FHIT: variants seen among roughly 807,000 people sequenced by gnomAD.
FHIT encodes fragile histidine triad diadenosine triphosphatase, also known as bis(5'-adenosyl)-triphosphatase.
A neutral mutation model predicts 17.9 loss-of-function variants in FHIT; 19 were observed. That is an observed-to-expected ratio of 1.06 (90% CI 0.74 to 1.56). FHIT has a LOEUF of 1.56. FHIT is among the 40% of genes most tolerant of loss of function. FHIT has a pLI of 0.00. For missense variants in FHIT, 248 were observed against 189.2 expected, an observed-to-expected ratio of 1.31 and a Z score of -1.82; for synonymous variants, 81 against 69.7, an observed-to-expected ratio of 1.16 and a Z score of -0.81.
chr3:59,903,992 G>A (rs777381681), intron 8 of FHIT, among the ~76,000 whole-genome samples: 2 of 152,148 alleles, frequency 1.3e-5, no homozygotes, highest in Non-Finnish European at 2.9e-5. Flanking sequence ...CAGGAAGTAT[G>A]AGTTAGTTAG....
At chr3:60,485,608 T>C (rs929466114) in intron 5 of FHIT, among the ~76,000 whole-genome samples, 6 of 150,630 alleles carry the variant, frequency 4.0e-5, no homozygotes, top group Non-Finnish European at 7.4e-5. Flanking sequence ...ACAATGAGAA[T>C]ACATGGACAC....
At chr3:60,397,695 C>G (rs1701502534) in intron 5 of FHIT, among the ~76,000 whole-genome samples, 1 of 152,174 alleles carries the variant, frequency 6.6e-6, no homozygotes, top group Non-Finnish European at 1.5e-5. Flanking sequence ...GTCCCCAGTG[C>G]AACCCCACTT....
chr3:59,878,841 C>A (rs1253915477), intron 8 of FHIT, among the ~76,000 whole-genome samples: 1 of 152,146 alleles, frequency 6.6e-6, no homozygotes. Context: ...AACACCCAAA[C>A]CCCATCCCCA....
intron 5 of FHIT, among the ~76,000 whole-genome samples, chr3:60,110,347 T>C (rs181922634): frequency 4.6e-5 from 7 of 152,288 alleles, no homozygotes; most frequent in Admixed American, 3.9e-4. Flanking sequence ...ATTTCTTCCA[T>C]GGAGCACAAA....
At chr3:60,606,998 G>A (rs918374714) in intron 4 of FHIT, among the ~76,000 whole-genome samples, 9 of 152,184 alleles carry the variant, frequency 5.9e-5, no homozygotes, top group African/African-American at 2.2e-4. Flanking sequence ...TTACTACATT[G>A]AGAGGCTGCT....
chr3:60,434,581 G>C (rs1200908663), intron 5 of FHIT, among the ~76,000 whole-genome samples: 1 of 151,962 alleles, frequency 6.6e-6, no homozygotes, highest in Non-Finnish European at 1.5e-5. Flanking sequence ...AATGCTACCT[G>C]ATGTACATTA....
At chr3:60,176,705 T>C (rs1365182273) in intron 5 of FHIT, among the ~76,000 whole-genome samples, 1 of 152,168 alleles carries the variant, frequency 6.6e-6, no homozygotes, top group Non-Finnish European at 1.5e-5. Flanking sequence ...TCCTAGGAGC[T>C]TTCCATCTTA....
At chr3:59,807,511 G>A (rs1245869914) in intron 8 of FHIT, among the ~76,000 whole-genome samples, 1 of 152,032 alleles carries the variant, frequency 6.6e-6, no homozygotes, top group Admixed American at 6.5e-5. Context: ...GAGGCTGAAT[G>A]ATTTGTTTAC....
At chr3:61,136,784 C>T (rs559935283) in intron 2 of FHIT, among the ~76,000 whole-genome samples, 9 of 152,154 alleles carry the variant, frequency 5.9e-5, no homozygotes, top group Middle Eastern at 3.4e-3. Flanking sequence ...AACCTTCTGT[C>T]GAATGAAGGA....
At chr3:59,907,510 G>A (rs1342323700) in intron 8 of FHIT, among the ~76,000 whole-genome samples, 1 of 152,156 alleles carries the variant, frequency 6.6e-6, no homozygotes, top group Non-Finnish European at 1.5e-5. Context: ...CACCCCCAGA[G>A]TTTAAAATAG....
chr3:59,833,965 G>C (rs1484813838), intron 8 of FHIT, among the ~76,000 whole-genome samples: 1 of 152,070 alleles, frequency 6.6e-6, no homozygotes, highest in African/African-American at 2.4e-5. Context: ...AGTTTCCTGA[G>C]GCCTCCCCAG....
rs191954478 is a variant in FHIT at position 59,767,492 on chromosome 3, T to C, written c.349-15171A>G. On this transcript the variant is annotated intron_variant, in intron 8 of 9. Coordinates refer to ENST00000492590, the MANE Select transcript of FHIT (RefSeq NM_002012.4). The stretch of plus-strand genomic sequence containing the variant: ...CTAGCCTGGGCAACAGAGTGAGACT[T>C]GGTCTCAAAAAGAAAAATGGAGTGG... Among the ~76,000 whole-genome samples the C allele has an allele frequency of 3.3e-4, 50 of 152,190 alleles. No homozygotes were observed. The East Asian group carries it at 7.1e-3, about 22-fold the overall frequency.
chr3:60,383,256 AG>A (rs1700879402), intron 5 of FHIT, among the ~76,000 whole-genome samples: 11 of 152,290 alleles, frequency 7.2e-5, no homozygotes, highest in Middle Eastern at 3.4e-3. Flanking sequence ...CCACTGGGTG[AG>A]ATCTCATTTT....
chr3:61,034,121 T>C (rs912032304), intron 3 of FHIT, among the ~76,000 whole-genome samples: 1 of 152,134 alleles, frequency 6.6e-6, no homozygotes, highest in Admixed American at 6.6e-5. Flanking sequence ...TAACCCAAAA[T>C]GGAGCAATGA....
intron 4 of FHIT, among the ~76,000 whole-genome samples, chr3:60,593,048 C>T (rs1254905030): frequency 6.6e-6 from 1 of 152,116 alleles, no homozygotes; most frequent in Non-Finnish European, 1.5e-5. Flanking sequence ...GAAGCCTGCC[C>T]ATCGCTGGGT....
intron 7 of FHIT, among the ~76,000 whole-genome samples, chr3:60,003,786 G>A (rs17061728): frequency 0.024 from 3,694 of 150,966 alleles, 146 homozygotes; most frequent in African/African-American, 0.084. Flanking sequence ...TACTGAGGTT[G>A]AATTGGCCAC....
intron 5 of FHIT, among the ~76,000 whole-genome samples, chr3:60,102,125 A>G (rs12488398): frequency 7.9e-5 from 12 of 152,218 alleles, no homozygotes; most frequent in South Asian, 2.1e-4. Flanking sequence ...TTTATCTTCA[A>G]TACAATACCT....
intron 9 of FHIT, chr3:59,750,662 G>C (rs141851594): frequency 7.9e-4 from 175 of 220,664 alleles, no homozygotes; most frequent in African/African-American, 3.6e-3. Flanking sequence ...AGAATGCAAG[G>C]ATCTGAGTAC....
intron 3 of FHIT, among the ~76,000 whole-genome samples, chr3:60,908,826 T>C (rs1706570787): frequency 6.6e-6 from 1 of 151,994 alleles, no homozygotes; most frequent in Admixed American, 6.5e-5. Context: ...AGCAGAGCCA[T>C]TCACTCAATC....
Sources: gnomAD v4.1 joint callset for allele counts (sites outside exome capture counted in the v4.1 genomes callset) on GRCh38, gnomAD v4.1.1 for gene constraint, MANE v1.5 for transcripts, NCBI Gene and HGNC (gene_info 2026-07-23, HGNC 2026-07-21) for gene names.